The following GPR160 variants were observed in gnomAD, a reference collection of about 807,000 sequenced individuals.
The protein encoded by GPR160 is probable G protein-coupled receptor 160.
GPR160 carries 2 observed loss-of-function variants against 2.6 expected under a neutral mutation model. The observed-to-expected ratio is 0.77, with a 90% CI of 0.32 to 2.44. GPR160 has a LOEUF of 2.44. GPR160 is among the 30% of genes most tolerant of loss of function. The pLI, the probability that GPR160 is intolerant of heterozygous loss-of-function variation, is 0.11. For synonymous variants in GPR160, 130 were observed against 132.2 expected, an observed-to-expected ratio of 0.98 and a Z score of 0.12; for missense variants, 351 against 383.6, an observed-to-expected ratio of 0.91 and a Z score of 0.71.
intron 2 of GPR160, chr3:170,077,645 G>A (rs1434073755): frequency 6.6e-6 from 1 of 152,240 alleles, no homozygotes; most frequent in Non-Finnish European, 1.5e-5. Context: ...CTCCCTGAAA[G>A]GAAGAACAAT....
chr3:170,052,040 C>T (rs1716978392), intron 2 of GPR160, among the ~76,000 whole-genome samples: 1 of 152,206 alleles, frequency 6.6e-6, no homozygotes, highest in African/African-American at 2.4e-5. Context: ...ATTCCCCTGC[C>T]TCAGCCTCCT....
rs539094739 is a variant in GPR160 at position 170,043,330 on chromosome 3, A to G, written c.-193+4287A>G. 2.6e-4 allele frequency among the ~76,000 whole-genome samples: 39 copies of G among 152,206 alleles called. No homozygotes were observed. The South Asian group carries it at 6.4e-3, about 25-fold the overall frequency. ...CCACGTAGCTGGGATTACAGGTGCCAGACACCATGCCTGGCTAATTTTTGT... is the reference window on the plus strand; with the variant it reads ...CCACGTAGCTGGGATTACAGGTGCCGGACACCATGCCTGGCTAATTTTTGT... On this transcript the variant is annotated intron_variant, in intron 2 of 3. Coordinates refer to ENST00000355897, the MANE Select transcript of GPR160 (RefSeq NM_014373.3).
intron 2 of GPR160, chr3:170,062,794 A>G (rs1432755365): frequency 1.5e-6 from 1 of 687,372 alleles, no homozygotes; most frequent in African/African-American, 1.8e-5. Flanking sequence ...CAATTTGAAG[A>G]AAGGGAAAGA....
At chr3:170,040,952 A>G (rs1343097220) in intron 2 of GPR160, among the ~76,000 whole-genome samples, 1 of 152,180 alleles carries the variant, frequency 6.6e-6, no homozygotes, top group South Asian at 2.1e-4. Flanking sequence ...GAAAGAGGGT[A>G]AGGAAGGAGT....
chr3:170,083,797 A>G (rs555323495), intron 3 of GPR160, 108 bp from the exon 4 acceptor site: 10 of 426,732 alleles, frequency 2.3e-5, no homozygotes, highest in Non-Finnish European at 3.7e-5. Context: ...TCTTATTCAT[A>G]TATTTATTTG....
Position 170,084,915 on chromosome 3 carries a change from A to G in GPR160, c.943A>G (p.Lys315Glu). The change falls in exon 4 of 4, where the codon AAG becomes GAG. Residue 315 changes from lysine to glutamate, a missense_variant. Transcript: ENST00000355897. ...ACCTTTGGATCCATTTGTCAACTGGAAGTGCTGCTTCATTCCACTTACAAT... is the reference window on the plus strand; with the variant it reads ...ACCTTTGGATCCATTTGTCAACTGGGAGTGCTGCTTCATTCCACTTACAAT... Reference protein sequence around the residue: ...GLPLDPFVNWKCCFIPLTIPN... With the variant: ...GLPLDPFVNWECCFIPLTIPN... The G allele has an allele frequency of 6.2e-7, 1 of 1,607,446 alleles. No individual in the cohort carries two copies. Among genetic ancestry groups the G allele is most frequent in the Non-Finnish European group, 8.5e-7 (1 of 1,174,978 alleles).
intron 2 of GPR160, among the ~76,000 whole-genome samples, chr3:170,068,557 A>G (rs1486279055): frequency 6.6e-6 from 1 of 152,146 alleles, no homozygotes; most frequent in East Asian, 1.9e-4. Flanking sequence ...CATGTTTCTT[A>G]ACTATTTCTC....
chr3:170,051,158 G>A (rs1043733268), intron 2 of GPR160, among the ~76,000 whole-genome samples: 1 of 152,218 alleles, frequency 6.6e-6, no homozygotes, highest in East Asian at 1.9e-4. Flanking sequence ...ATTCCAAAGG[G>A]TATATAATGG....
chr3:170,049,428 C>T (rs952941032), intron 2 of GPR160, among the ~76,000 whole-genome samples: 2 of 152,170 alleles, frequency 1.3e-5, no homozygotes, highest in African/African-American at 2.4e-5. Flanking sequence ...GAACTGCTTC[C>T]GCAGTAATTA....
chr3:170,080,184 G>T (rs1017894856), intron 3 of GPR160, among the ~76,000 whole-genome samples: 1 of 152,158 alleles, frequency 6.6e-6, no homozygotes, highest in Non-Finnish European at 1.5e-5. Flanking sequence ...AATTCAGGTA[G>T]CTTATCAAAG....
intron 2 of GPR160, among the ~76,000 whole-genome samples, chr3:170,047,164 C>A (rs1017744830): frequency 6.6e-6 from 1 of 152,166 alleles, no homozygotes; most frequent in Non-Finnish European, 1.5e-5. Flanking sequence ...GCTTCAGAGT[C>A]CATCCTACCT....
Position 170,084,297 on chromosome 3 carries a change from C to A in GPR160, c.325C>A (p.His109Asn), listed in dbSNP as rs751350978. 6 of 1,607,502 alleles carry A rather than the reference C, an allele frequency of 3.7e-6. No homozygotes were observed. Among genetic ancestry groups the A allele is most frequent in the Non-Finnish European group, 5.1e-6 (6 of 1,175,230 alleles). Reference sequence around the variant, plus strand: ...TATTTCCTTTACTTATGGCTTTTTGCATTATCCAGTTTTCCTGACAGCTTG... The same window carrying A: ...TATTTCCTTTACTTATGGCTTTTTGAATTATCCAGTTTTCCTGACAGCTTG... ...QIISFTYGFL[H>N]YPVFLTACID... is the part of the protein sequence containing the mutation. The change falls in exon 4 of 4, where the codon CAT becomes AAT. Residue 109 changes from histidine to asparagine, a missense_variant. By Grantham distance (68) the His-to-Asn change is moderately conservative (BLOSUM62 1). Coordinates refer to ENST00000355897, the MANE Select transcript of GPR160 (RefSeq NM_014373.3).
chr3:170,069,101 TA>T (rs1712471918), intron 2 of GPR160, among the ~76,000 whole-genome samples: 2 of 152,248 alleles, frequency 1.3e-5, no homozygotes, highest in African/African-American at 4.8e-5. Context: ...GATGCTCCTC[TA>T]ATCCTCAACT....
chr3:170,067,815 C>A (rs539984211), intron 2 of GPR160, among the ~76,000 whole-genome samples: 18 of 151,952 alleles, frequency 1.2e-4, no homozygotes, highest in African/African-American at 3.6e-4. Flanking sequence ...TCCATTTTTC[C>A]CCTTTGTTTT....
At chr3:170,063,003 A>C (rs988414554) in intron 2 of GPR160, 1 of 218,322 alleles carries the variant, frequency 4.6e-6, no homozygotes, top group Non-Finnish European at 9.1e-6. Context: ...GTAAGCCGAG[A>C]TCGCGCCACC....
chr3:170,081,532 G>A (rs1713128150), intron 3 of GPR160, among the ~76,000 whole-genome samples: 1 of 152,122 alleles, frequency 6.6e-6, no homozygotes, highest in Non-Finnish European at 1.5e-5. Context: ...ATGGCCATGA[G>A]AGTAATGGTT....
In GPR160 at chr3:170,081,360, A is replaced by G. The variant is rs1047563565; in HGVS notation, c.-69+1463A>G. Reference sequence around the variant, plus strand: ...GGATAAGATCAAATTAAACTGTACTATGTTTAAATACAGGGGAAAAAAACT... The same window carrying G: ...GGATAAGATCAAATTAAACTGTACTGTGTTTAAATACAGGGGAAAAAAACT... On this transcript the variant is annotated intron_variant, in intron 3 of 3. Transcript: ENST00000355897. Among the ~76,000 whole-genome samples the G allele has an allele frequency of 5.3e-5, 8 of 152,158 alleles. No individual in the cohort carries two copies. In the East Asian group the frequency reaches 1.2e-3, roughly 22 times the overall value.
At position 170,052,083 on chromosome 3, in the gene GPR160, G is replaced by A. The variant is rs916239775; in HGVS notation, c.-193+13040G>A. 7.2e-5 allele frequency among the ~76,000 whole-genome samples: 11 copies of A among 152,172 alleles called. No individual in the cohort carries two copies. In the East Asian group the frequency reaches 2.1e-3, roughly 29 times the overall value. On this transcript the variant is annotated intron_variant, in intron 2 of 3. Coordinates refer to ENST00000355897, the MANE Select transcript of GPR160 (RefSeq NM_014373.3). ...TGGGATTACAGGTGCACGCCACCAT[G>A]CTCAGCTAATTTTTGTATTTTTAGG... is the stretch of plus-strand genomic sequence containing the variant.
In GPR160 at chr3:170,064,070, TTGAAG is replaced by T. The variant is rs1225330954; in HGVS notation, c.-192-15700_-192-15696del. On this transcript the variant is annotated intron_variant, in intron 2 of 3. Coordinates refer to ENST00000355897, the MANE Select transcript of GPR160 (RefSeq NM_014373.3). ...GAAACAACTTACATGTACATAGGTC[TTGAAG>T]TGAGTGAAGCGGCTGTATTTTTTTG... Among the ~76,000 whole-genome samples, 10 of 152,288 alleles carry T rather than the reference TTGAAG, an allele frequency of 6.6e-5. No homozygotes were observed. The East Asian group carries it at 7.7e-4, about 12-fold the overall frequency.
Sources: gnomAD v4.1 joint callset for allele counts (sites outside exome capture counted in the v4.1 genomes callset) on GRCh38, gnomAD v4.1.1 for gene constraint, MANE v1.5 for transcripts, NCBI Gene and HGNC (gene_info 2026-07-23, HGNC 2026-07-21) for gene names.